Variants in EPHX2 observed in about 807,000 individuals in gnomAD.
EPHX2 encodes the protein bifunctional epoxide hydrolase 2.
Under a neutral mutation model 78.7 loss-of-function variants are expected in EPHX2, and 74 were observed. The observed-to-expected ratio is 0.94, with a 90% CI of 0.78 to 1.14. EPHX2 has a LOEUF of 1.14. EPHX2 is among the 50% of genes most tolerant of loss of function. The pLI is 0.00. For missense variants in EPHX2, 715 were observed against 702.5 expected, an observed-to-expected ratio of 1.02 and a Z score of -0.20; for synonymous variants, 251 against 255.2, an observed-to-expected ratio of 0.98 and a Z score of 0.16.
intron 1 of EPHX2, among the ~76,000 whole-genome samples, chr8:27,491,966 T>G (rs1279759875): frequency 2.0e-5 from 3 of 150,356 alleles, no homozygotes; most frequent in Middle Eastern, 3.4e-3. Flanking sequence ...TTTTTTTTTG[T>G]AGTTTCCAAC....
intron 14 of EPHX2, 62 bp from the exon 15 acceptor site, chr8:27,540,492 C>G: frequency 6.8e-7 from 1 of 1,467,196 alleles, no homozygotes; most frequent in Non-Finnish European, 9.5e-7. Context: ...ATGAGGTCCC[C>G]ACCTTAAAAT....
rs1813363845 is a variant in EPHX2, at chr8:27,491,240, A to T, written c.32A>T (p.Asp11Val). ...CTGCGCGCGGCCGTCTTCGACCTTGACGGGGTGCTGGCGCTGCCAGCGGTG... is the reference window on the plus strand; with the variant it reads ...CTGCGCGCGGCCGTCTTCGACCTTGTCGGGGTGCTGGCGCTGCCAGCGGTG... The part of the protein sequence containing the change: MTLRAAVFDL[D>V]GVLALPAVFG... Residue 11 changes from aspartate to valine, a missense_variant, in exon 1 of 19, where the codon GAC (aspartate) becomes GTC (valine). Asp to Val is a radical substitution (Grantham distance 152). Transcript: ENST00000521400. 1 of 1,585,404 alleles carries T rather than the reference A, an allele frequency of 6.3e-7. No homozygotes were observed. Among genetic ancestry groups the T allele is most frequent in the Non-Finnish European group, 8.5e-7 (1 of 1,174,506 alleles).
At chr8:27,514,858 A>T (rs1814391322) in intron 6 of EPHX2, among the ~76,000 whole-genome samples, 1 of 152,144 alleles carries the variant, frequency 6.6e-6, no homozygotes, top group South Asian at 2.1e-4. Context: ...CTGGAAGAAG[A>T]TGGGAACACA....
chr8:27,544,365 C>G, intron 18 of EPHX2, 79 bp from the exon 19 acceptor site: 1 of 1,596,042 alleles, frequency 6.3e-7, no homozygotes, highest in African/African-American at 1.3e-5. Context: ...TGTCACTCAC[C>G]TCTGCCTTCG....
In EPHX2 at chr8:27,536,259, C is replaced by CA. The variant is rs57578624; in HGVS notation, c.1171-515dup. On this transcript the variant is annotated intron_variant, in intron 12 of 18. Transcript: ENST00000521400. Reference sequence around the variant, plus strand: ...GGAGTTGATTTTGAAGTTTCTACAGCAAAAAAAAAATTGTTTAAGTTTCTT... The same window carrying CA: ...GGAGTTGATTTTGAAGTTTCTACAGCAAAAAAAAAAATTGTTTAAGTTTCTT... 7.8e-3 allele frequency among the ~76,000 whole-genome samples: 1,165 copies of CA among 149,220 alleles called. 12 individuals carry two copies. Among genetic ancestry groups the CA allele is most frequent in the African/African-American group, 0.022 (907 of 40,840 alleles).
rs138702597 is a variant in EPHX2, at chr8:27,501,012, T to A, written c.186+2T>A. 104 of 1,612,846 alleles carry A rather than the reference T, an allele frequency of 6.4e-5. No homozygotes were observed. In the African/African-American group the frequency reaches 1.3e-3, roughly 20 times the overall value. On this transcript the variant is annotated splice_donor_variant, in intron 2 of 18. Coordinates refer to ENST00000521400, the MANE Select transcript of EPHX2 (RefSeq NM_001979.6). LOFTEE classifies it high-confidence loss of function. ...AAAGGAGAGATCACACTTTCCCAGGTGAGGGGACATCACCACACAGAGCCC... is the reference window on the plus strand; with the variant it reads ...AAAGGAGAGATCACACTTTCCCAGGAGAGGGGACATCACCACACAGAGCCC...
At chr8:27,542,415 C>T (rs1815431413) in intron 16 of EPHX2, among the ~76,000 whole-genome samples, 1 of 152,140 alleles carries the variant, frequency 6.6e-6, no homozygotes, top group African/African-American at 2.4e-5. Flanking sequence ...AACAGTGCCT[C>T]CCTCACAGAG....
chr8:27,520,592 G>C (rs368421987), intron 9 of EPHX2, among the ~76,000 whole-genome samples: 1 of 152,182 alleles, frequency 6.6e-6, no homozygotes, highest in African/African-American at 2.4e-5. Flanking sequence ...TGTTCTGCCC[G>C]CCTCGGCCTC....
chr8:27,519,473 G>A (rs1261273034), intron 9 of EPHX2, among the ~76,000 whole-genome samples: 1 of 152,222 alleles, frequency 6.6e-6, no homozygotes, highest in African/African-American at 2.4e-5. Flanking sequence ...CAGGGCAGCT[G>A]TCTTCCGTCC....
chr8:27,522,365 T>G (rs1460847768), intron 10 of EPHX2, 58 bp from the exon 11 acceptor site: 1 of 1,580,556 alleles, frequency 6.3e-7, no homozygotes, highest in Non-Finnish European at 8.7e-7. Context: ...GCCGAACCTC[T>G]CAGCACCCCG....
At chr8:27,494,682 C>T (rs1813510077) in intron 1 of EPHX2, among the ~76,000 whole-genome samples, 1 of 152,222 alleles carries the variant, frequency 6.6e-6, no homozygotes, top group Non-Finnish European at 1.5e-5. Context: ...CTTTGGCACA[C>T]CTCACAGGCT....
At chr8:27,532,318 T>C (rs1815072006) in intron 12 of EPHX2, among the ~76,000 whole-genome samples, 1 of 152,204 alleles carries the variant, frequency 6.6e-6, no homozygotes, top group African/African-American at 2.4e-5. Context: ...CCTCTGCTTA[T>C]GTGCTTAGCT....
At position 27,505,141 on chromosome 8, in the gene EPHX2, A is replaced by C; in HGVS notation, c.532A>C (p.Ser178Arg). ...FLLDTLKASPSEVVFLDDIGA... is the reference protein window; with the variant it reads ...FLLDTLKASPREVVFLDDIGA... Reference sequence around the variant, plus strand: ...GCTGGACACCCTGAAGGCCAGCCCCAGTGAGGTACGGAGACACTTCCTTAT... The same window carrying C: ...GCTGGACACCCTGAAGGCCAGCCCCCGTGAGGTACGGAGACACTTCCTTAT... The change falls in exon 4 of 19, where the codon AGT becomes CGT. Residue 178 changes from serine (S) to arginine (R), a missense_variant. Ser to Arg is a moderately radical substitution (Grantham distance 110, BLOSUM62 -1). Coordinates refer to ENST00000521400, the MANE Select transcript of EPHX2 (RefSeq NM_001979.6). 1.2e-6 allele frequency: 2 copies of C among 1,613,702 alleles called. No individual in the cohort carries two copies. The highest frequency in any genetic ancestry group is 1.7e-6 in the Non-Finnish European group (2 of 1,179,788).
chr8:27,504,202 A>G (rs1813910096), intron 3 of EPHX2, among the ~76,000 whole-genome samples: 1 of 152,208 alleles, frequency 6.6e-6, no homozygotes, highest in South Asian at 2.1e-4. Flanking sequence ...GTTCATCCAT[A>G]GGCGTTGACT....
chr8:27,537,179 A>G (rs1563362268), intron 13 of EPHX2, among the ~76,000 whole-genome samples: 1 of 151,970 alleles, frequency 6.6e-6, no homozygotes, highest in Non-Finnish European at 1.5e-5. Context: ...GAAACCTTTA[A>G]CTCTGTAAGC....
chr8:27,516,444 A>G, intron 8 of EPHX2, 46 bp downstream of exon 8: 1 of 1,581,208 alleles, frequency 6.3e-7, no homozygotes. Context: ...CTTGCCTTCT[A>G]CCTGCCTGAG....
intron 6 of EPHX2, among the ~76,000 whole-genome samples, chr8:27,512,322 C>T (rs1344083443): frequency 1.3e-5 from 2 of 152,186 alleles, no homozygotes; most frequent in African/African-American, 4.8e-5. Flanking sequence ...GAGGCTAAAG[C>T]ATGCACACAG....
Position 27,519,888 on chromosome 8 carries a change from A to G in EPHX2, c.946-995A>G, listed in dbSNP as rs188164126. On this transcript the variant is annotated intron_variant, in intron 9 of 18. Transcript: ENST00000521400. ...GGTCTGGCCTAGGTCTGGCCAACAA[A>G]GGCACAGTTGTTTCTCTGAGGCCTT... Among the ~76,000 whole-genome samples, 84 of 152,248 alleles carry G rather than the reference A, an allele frequency of 5.5e-4. 1 individual carries two copies. Among genetic ancestry groups the G allele is most frequent in the Middle Eastern group, 3.4e-3 (1 of 294 alleles).
chr8:27,498,757 A>G (rs1727387043), intron 1 of EPHX2, among the ~76,000 whole-genome samples: 2 of 152,156 alleles, frequency 1.3e-5, no homozygotes, highest in African/African-American at 4.8e-5. Context: ...ACTGAAAGGG[A>G]CCAGGAGTCT....
Sources: gnomAD v4.1 joint callset for allele counts (sites outside exome capture counted in the v4.1 genomes callset) on GRCh38, gnomAD v4.1.1 for gene constraint, MANE v1.5 for transcripts, NCBI Gene and HGNC (gene_info 2026-07-23, HGNC 2026-07-21) for gene names.